Variants in SEM1 observed in about 807,000 individuals in gnomAD.
The protein encoded by SEM1 is SEM1 26S proteasome subunit, also known as 26S proteasome complex subunit SEM1.
SEM1 carries 3 observed loss-of-function variants against 12.7 expected under a neutral mutation model. That is an observed-to-expected ratio of 0.24 (90% CI 0.11 to 0.61). The LOEUF is 0.61. Among genes scored for constraint, SEM1 ranks in the 20% least tolerant of loss-of-function variants. The probability of loss-of-function intolerance (pLI) is 0.88; values close to 1 mark genes in which losing one functional copy is unlikely to be tolerated. For synonymous variants in SEM1, 30 were observed against 27.8 expected (o/e 1.08, Z -0.25); for missense variants, 59 against 81.3 (o/e 0.73, Z 1.06).
intron 2 of SEM1, chr7:96,647,391 T>C (rs749782906): frequency 1.3e-5 from 2 of 152,228 alleles, no homozygotes; most frequent in African/African-American, 4.8e-5. Flanking sequence ...ATGAGACAAG[T>C]ACTTTTCTCT....
chr7:96,548,732 C>T (rs1426353983), intron 2 of SEM1, among the ~76,000 whole-genome samples: 1 of 152,042 alleles, frequency 6.6e-6, no homozygotes, highest in Non-Finnish European at 1.5e-5. Flanking sequence ...GGTACTTTCC[C>T]CGTTTTGCCC....
At chr7:96,643,274 G>C (rs530394534) in intron 2 of SEM1, among the ~76,000 whole-genome samples, 1 of 152,140 alleles carries the variant, frequency 6.6e-6, no homozygotes, top group South Asian at 2.1e-4. Flanking sequence ...CCTGCAAAGG[G>C]CATGATCTCA....
At chr7:96,554,484 A>G (rs1198145324) in intron 2 of SEM1, among the ~76,000 whole-genome samples, 1 of 139,534 alleles carries the variant, frequency 7.2e-6, no homozygotes, top group African/African-American at 2.6e-5. Flanking sequence ...CTCTGTTTAT[A>G]TGCTGGATTA....
chr7:96,684,299 A>T (rs1194468915), downstream of SEM1, among the ~76,000 whole-genome samples: 2 of 152,024 alleles, frequency 1.3e-5, no homozygotes, highest in Non-Finnish European at 2.9e-5. Context: ...CATTGCCCCA[A>T]ATTTATTTAA....
chr7:96,631,171 A>G (rs1808247313), intron 2 of SEM1, among the ~76,000 whole-genome samples: 1 of 152,128 alleles, frequency 6.6e-6, no homozygotes, highest in Non-Finnish European at 1.5e-5. Flanking sequence ...TGCCCCGCTT[A>G]GCCCACTATC....
At chr7:96,692,968 T>C (rs1192884380) in intron 2 of SEM1, among the ~76,000 whole-genome samples, 1 of 151,772 alleles carries the variant, frequency 6.6e-6, no homozygotes, top group East Asian at 1.9e-4. Context: ...GACACGGAAA[T>C]GAAAAACTGT....
intron 2 of SEM1, among the ~76,000 whole-genome samples, chr7:96,667,832 G>A (rs1477803752): frequency 2.6e-5 from 4 of 152,138 alleles, no homozygotes; most frequent in Non-Finnish European, 4.4e-5. Context: ...ATATAGTTTG[G>A]TATTTACAGG....
intron 2 of SEM1, among the ~76,000 whole-genome samples, chr7:96,651,816 G>T (rs943117805): frequency 1.3e-5 from 2 of 152,084 alleles, no homozygotes; most frequent in African/African-American, 4.8e-5. Flanking sequence ...CAAGTGATCC[G>T]CCTGCCTTGG....
intron 2 of SEM1, among the ~76,000 whole-genome samples, chr7:96,526,057 C>G (rs1437384044): frequency 6.6e-6 from 1 of 152,052 alleles, no homozygotes; most frequent in Non-Finnish European, 1.5e-5. Context: ...TTTATCACCC[C>G]CAAAAGAAAC....
chr7:96,650,470 T>G, intron 2 of SEM1: 2 of 753,568 alleles, frequency 2.7e-6, no homozygotes, highest in East Asian at 4.9e-5. Context: ...ACCAAGCCAC[T>G]GCAGGAGACA....
intron 2 of SEM1, among the ~76,000 whole-genome samples, chr7:96,674,861 A>G (rs1435166623): frequency 1.3e-5 from 2 of 152,148 alleles, no homozygotes; most frequent in Non-Finnish European, 2.9e-5. Context: ...ACTCTTGACC[A>G]AGAGCCAACA....
chr7:96,692,675 C>T (rs970825983), intron 2 of SEM1, among the ~76,000 whole-genome samples: 1 of 152,054 alleles, frequency 6.6e-6, no homozygotes, highest in Non-Finnish European at 1.5e-5. Context: ...GAGCCATATA[C>T]TGATCATGAA....
intron 1 of SEM1, among the ~76,000 whole-genome samples, chr7:96,704,036 C>A (rs1790364821): frequency 6.8e-6 from 1 of 148,130 alleles, no homozygotes; most frequent in Non-Finnish European, 1.5e-5. Flanking sequence ...AAAGAAAAAA[C>A]CCTAATATCT....
intron 2 of SEM1, among the ~76,000 whole-genome samples, chr7:96,662,572 G>A (rs1051795263): frequency 5.3e-5 from 8 of 152,126 alleles, no homozygotes; most frequent in African/African-American, 9.7e-5. Context: ...TAATGCATGC[G>A]GGTCTTAAAA....
intron 2 of SEM1, among the ~76,000 whole-genome samples, chr7:96,636,893 T>C (rs745856145): frequency 6.6e-6 from 1 of 152,040 alleles, no homozygotes; most frequent in Non-Finnish European, 1.5e-5. Flanking sequence ...TGGTATAGCA[T>C]GTTGCAAAGA....
chr7:96,671,105 A>G (rs1248342439), downstream of SEM1, among the ~76,000 whole-genome samples: 1 of 152,208 alleles, frequency 6.6e-6, no homozygotes, highest in East Asian at 1.9e-4. Context: ...TGAGAATAGC[A>G]AGCCCCACAG....
chr7:96,559,626 G>A (rs778312905), intron 2 of SEM1, among the ~76,000 whole-genome samples: 60 of 152,152 alleles, frequency 3.9e-4, no homozygotes, highest in Non-Finnish European at 7.5e-4. Flanking sequence ...GCGTATTGTG[G>A]ACAATCTTTT....
At chr7:96,663,646 G>A (rs1203054703) in intron 2 of SEM1, among the ~76,000 whole-genome samples, 1 of 152,130 alleles carries the variant, frequency 6.6e-6, no homozygotes, top group Non-Finnish European at 1.5e-5. Context: ...GCTAATGAAG[G>A]ATGTCAACTA....
intron 2 of SEM1, among the ~76,000 whole-genome samples, chr7:96,595,558 ACT>A (rs1806971417): frequency 6.6e-6 from 1 of 151,944 alleles, no homozygotes; most frequent in Middle Eastern, 3.2e-3. Context: ...GCAATCAAAG[ACT>A]CTGTTGTCCC....
Sources: allele counts gnomAD v4.1 joint callset (sites outside exome capture counted in the v4.1 genomes callset), GRCh38; gene constraint gnomAD v4.1.1; transcripts MANE v1.5; gene names NCBI Gene and HGNC (gene_info 2026-07-23, HGNC 2026-07-21).